The following CHRM3 variants were observed in gnomAD, a reference collection of about 807,000 sequenced individuals.
CHRM3 encodes the protein muscarinic acetylcholine receptor M3.
In CHRM3, 11 loss-of-function variants were observed where a neutral mutation model predicts 41.8. The ratio of observed to expected loss-of-function variants is 0.26; its 90% CI spans 0.17 to 0.44. CHRM3 has a LOEUF of 0.44. Ranked by LOEUF, CHRM3 falls within the 20% of genes least tolerant of loss-of-function variation. The pLI is 1.00. For synonymous variants in CHRM3, 297 were observed against 301.4 expected, an observed-to-expected ratio of 0.99 and a Z score of 0.15; for missense variants, 571 against 745.4, an observed-to-expected ratio of 0.77 and a Z score of 2.72.
intron 6 of CHRM3, among the ~76,000 whole-genome samples, chr1:239,901,239 G>A (rs1679532891): frequency 6.6e-6 from 1 of 152,052 alleles, no homozygotes; most frequent in Non-Finnish European, 1.5e-5. Context: ...CAGAGTGTAA[G>A]GCAAGATTCC....
intron 1 of CHRM3, among the ~76,000 whole-genome samples, chr1:239,428,124 G>A (rs974302894): frequency 3.3e-5 from 5 of 152,156 alleles, no homozygotes; most frequent in African/African-American, 9.7e-5. Flanking sequence ...CTACAAGCAC[G>A]TGCTCGAAAG....
chr1:239,898,444 C>T (rs1679196169), intron 6 of CHRM3: 4 of 152,166 alleles, frequency 2.6e-5, no homozygotes, highest in South Asian at 4.1e-4. Flanking sequence ...AGAAGGCAGT[C>T]AGAGACCCAA....
At chr1:239,448,953 C>T (rs1664364066) in intron 1 of CHRM3, among the ~76,000 whole-genome samples, 2 of 152,072 alleles carry the variant, frequency 1.3e-5, no homozygotes, top group South Asian at 4.1e-4. Flanking sequence ...TCTTTAGTAT[C>T]AAAAAGTATG....
At chr1:239,587,293 A>G (rs1663526638) in intron 3 of CHRM3, among the ~76,000 whole-genome samples, 1 of 152,082 alleles carries the variant, frequency 6.6e-6, no homozygotes, top group African/African-American at 2.4e-5. Flanking sequence ...GAAGGGACCA[A>G]CTCAGCCCTC....
At chr1:239,645,349 AT>A (rs1249138487) in intron 4 of CHRM3, among the ~76,000 whole-genome samples, 3 of 152,250 alleles carry the variant, frequency 2.0e-5, no homozygotes, top group East Asian at 3.9e-4. Context: ...GAAATGGCAC[AT>A]TCAATGGAGA....
chr1:239,503,646 C>A (rs1165007546), intron 2 of CHRM3, among the ~76,000 whole-genome samples: 3 of 152,174 alleles, frequency 2.0e-5, no homozygotes, highest in African/African-American at 4.8e-5. Context: ...GGAGACATCA[C>A]ACTACCTGAT....
intron 3 of CHRM3, among the ~76,000 whole-genome samples, chr1:239,569,013 T>G (rs1661602608): frequency 6.6e-6 from 1 of 151,786 alleles, no homozygotes. Flanking sequence ...CTTTCTGCCC[T>G]TAGAAGAAAG....
chr1:239,429,892 A>C (rs1362666118), intron 1 of CHRM3, among the ~76,000 whole-genome samples: 1 of 151,496 alleles, frequency 6.6e-6, no homozygotes, highest in Non-Finnish European at 1.5e-5. Context: ...AAATTTATTA[A>C]AGTTTGGATT....
rs551571666 is a variant in CHRM3, at chr1:239,531,612, G to A, written c.-421-14029G>A. Among the ~76,000 whole-genome samples, 17 of 130,438 alleles carry A rather than the reference G, an allele frequency of 1.3e-4. 1 individual carries two copies. In the East Asian group the frequency reaches 1.7e-3, roughly 13 times the overall value. 85.6% of individuals were successfully genotyped at this position (130,438 alleles called of 152,430 possible). On this transcript the variant is annotated intron_variant, in intron 2 of 6. Transcript: ENST00000676153. ...AATCATGTATGCTATGTGCTTTGTC[G>A]TATAAAAACTAATCTCTCTAGAATG...
At chr1:239,851,873 C>T (rs1175070244) in intron 6 of CHRM3, among the ~76,000 whole-genome samples, 4 of 152,080 alleles carry the variant, frequency 2.6e-5, no homozygotes, top group African/African-American at 7.2e-5. Context: ...CCTATCATCT[C>T]GTAGAACTGG....
chr1:239,663,954 C>T (rs1486705826), intron 4 of CHRM3, among the ~76,000 whole-genome samples: 1 of 152,064 alleles, frequency 6.6e-6, no homozygotes, highest in Admixed American at 6.6e-5. Flanking sequence ...AAACAATTTT[C>T]TAAAATATGT....
intron 2 of CHRM3, among the ~76,000 whole-genome samples, chr1:239,510,538 ATTT>A (rs1295995183): frequency 7.0e-6 from 1 of 142,828 alleles, no homozygotes; most frequent in Non-Finnish European, 1.5e-5. Flanking sequence ...AACCCCTCAG[ATTT>A]TTTTTTTTTT....
At chr1:239,554,799 G>C (rs1218988208) in intron 3 of CHRM3, among the ~76,000 whole-genome samples, 1 of 142,666 alleles carries the variant, frequency 7.0e-6, no homozygotes, top group African/African-American at 2.6e-5. Context: ...GTGCAATCTT[G>C]GCTTACTGCA....
At chr1:239,490,061 G>A (rs1455546505) in intron 1 of CHRM3, among the ~76,000 whole-genome samples, 3 of 152,118 alleles carry the variant, frequency 2.0e-5, no homozygotes, top group African/African-American at 4.8e-5. Flanking sequence ...TAATTGTATC[G>A]TAGGGTAGTT....
chr1:239,851,438 G>A (rs778231877), intron 6 of CHRM3, among the ~76,000 whole-genome samples: 15 of 152,076 alleles, frequency 9.9e-5, no homozygotes, highest in Non-Finnish European at 1.8e-4. Flanking sequence ...GCAGGAGCAG[G>A]CAAAACCCTA....
In CHRM3 at chr1:239,907,535, G is replaced by A. The variant is rs1680067570; in HGVS notation, c.84G>A (p.Gly28=). The A allele has an allele frequency of 1.2e-6, 2 of 1,614,000 alleles. No individual in the cohort carries two copies. Among genetic ancestry groups the A allele is most frequent in the Admixed American group, 1.7e-5 (1 of 59,992 alleles). The change falls in exon 7 of 7, where the codon GGG becomes GGA. Residue 28 remains glycine, a synonymous_variant. Transcript: ENST00000676153. This position sits in a 1 kb window ranked among gnomAD's most constrained non-coding sequence, Gnocchi z 5.4. ...GGATACACAGCCCCTCCGATGCAGGGCTGCCCCCGGGAACCGTCACTCATT... is the reference window on the plus strand; with the variant it reads ...GGATACACAGCCCCTCCGATGCAGGACTGCCCCCGGGAACCGTCACTCATT... ...SSWIHSPSDA[G]LPPGTVTHFG...
At chr1:239,453,153 T>A (rs1338790169) in intron 1 of CHRM3, among the ~76,000 whole-genome samples, 1 of 152,210 alleles carries the variant, frequency 6.6e-6, no homozygotes, top group African/African-American at 2.4e-5. Context: ...TAGGAGAGAC[T>A]AGACACTTCA....
At chr1:239,399,759 A>ATTC (rs1553292125) in intron 1 of CHRM3, among the ~76,000 whole-genome samples, 6 of 151,916 alleles carry the variant, frequency 3.9e-5, no homozygotes, top group South Asian at 4.2e-4. Context: ...ATAGACACTT[A>ATTC]GTTTGGTTCC....
intron 5 of CHRM3, among the ~76,000 whole-genome samples, chr1:239,751,240 A>G (rs1039881423): frequency 5.4e-5 from 7 of 129,006 alleles, no homozygotes; most frequent in Admixed American, 2.3e-4. Flanking sequence ...CTTCATCTCA[A>G]AAAAAAAAAA....
Sources: allele counts gnomAD v4.1 joint callset (sites outside exome capture counted in the v4.1 genomes callset), GRCh38; gene constraint gnomAD v4.1.1; non-coding constraint Gnocchi (gnomAD v3.1); transcripts MANE v1.5; gene names NCBI Gene and HGNC (gene_info 2026-07-23, HGNC 2026-07-21).